PATJ: variants seen among roughly 807,000 people sequenced by gnomAD.
PATJ encodes inaD-like protein.
PATJ carries 190 observed loss-of-function variants against 224.9 expected under a neutral mutation model. The ratio of observed to expected loss-of-function variants is 0.84; its 90% CI spans 0.75 to 0.95. The LOEUF (loss-of-function observed/expected upper bound fraction) is 0.95. Ranked by LOEUF, PATJ falls within the 40% of genes least tolerant of loss-of-function variation. The pLI, the probability that PATJ is intolerant of heterozygous loss-of-function variation, is 0.00. For missense variants in PATJ, 2,121 were observed against 2,270.3 expected (o/e 0.93, Z 1.34); for synonymous variants, 769 against 820.3 (o/e 0.94, Z 1.07).
At chr1:61,952,536 G>A in intron 27 of PATJ, 1 of 677,024 alleles carries the variant, frequency 1.5e-6, no homozygotes, top group Non-Finnish European at 2.8e-6. Flanking sequence ...TTTTTCTTAA[G>A]TAAGAGAGCG....
intron 15 of PATJ, among the ~76,000 whole-genome samples, chr1:61,826,896 C>T (rs552096169): frequency 2.9e-4 from 44 of 152,178 alleles, no homozygotes; most frequent in Admixed American, 1.0e-3. Flanking sequence ...TGTGGACTGA[C>T]GTTAAATTTT....
At position 62,156,225 on chromosome 1, in the gene PATJ, T is replaced by A. The variant is rs186937604; in HGVS notation, c.5502+2744T>A. Among the ~76,000 whole-genome samples the A allele has an allele frequency of 1.8e-3, 267 of 148,062 alleles. 3 individuals are homozygous for A. The highest frequency in any genetic ancestry group is 3.6e-3 in the Middle Eastern group (1 of 278). On this transcript the variant is annotated intron_variant, in intron 43 of 43. Transcript: ENST00000642238. ...ATCCCCATCTCTAAAAATAAAAAAA[T>A]TTTTTTTTAGACTCCAATGTAGGCC...
Position 62,038,021 on chromosome 1 carries a change from T to C in PATJ, c.4004T>C (p.Val1335Ala). ...CAGATGGCCGTTACTCCCTTTCCAGTGCCATCAAGTTCTCCATCTTCTATT... is the reference window on the plus strand; with the variant it reads ...CAGATGGCCGTTACTCCCTTTCCAGCGCCATCAAGTTCTCCATCTTCTATT... Reference protein sequence around the residue: ...VNQMAVTPFPVPSSSPSSIED... With the variant: ...VNQMAVTPFPAPSSSPSSIED... Residue 1335 changes from valine to alanine, a missense_variant, in exon 30 of 44, where the codon GTG becomes GCG. Physicochemically the swap from Val to Ala is moderately conservative, Grantham distance 64 (BLOSUM62 0). Transcript: ENST00000642238. The C allele has an allele frequency of 6.3e-7, 1 of 1,599,504 alleles. No homozygotes were observed. Among genetic ancestry groups the C allele is most frequent in the Non-Finnish European group, 8.5e-7 (1 of 1,171,842 alleles).
intron 29 of PATJ, among the ~76,000 whole-genome samples, chr1:62,029,359 T>C (rs577207778): frequency 6.6e-6 from 1 of 152,330 alleles, no homozygotes; most frequent in South Asian, 2.1e-4. Context: ...CATGGGCTTG[T>C]TGTGTTTCCC....
intron 5 of PATJ, among the ~76,000 whole-genome samples, chr1:61,770,519 A>G (rs943253878): frequency 7.2e-5 from 11 of 152,196 alleles, no homozygotes; most frequent in African/African-American, 2.7e-4. Context: ...AGCACTCAAC[A>G]TAGTACCTGA....
intron 31 of PATJ, chr1:62,072,760 AAAAAG>A (rs1251067772): frequency 2.3e-4 from 35 of 149,750 alleles, no homozygotes; most frequent in African/African-American, 8.3e-4. Flanking sequence ...AAAAAAAAAA[AAAAAG>A]AAGAAAAAGA....
intron 41 of PATJ, among the ~76,000 whole-genome samples, chr1:62,129,585 T>A (rs1200800573): frequency 6.6e-6 from 1 of 152,170 alleles, no homozygotes; most frequent in African/African-American, 2.4e-5. Context: ...TGGCAGTGAG[T>A]TTCATTAATG....
At chr1:61,939,068 A>G (rs1677342581) in intron 27 of PATJ, among the ~76,000 whole-genome samples, 1 of 138,008 alleles carries the variant, frequency 7.2e-6, no homozygotes, top group African/African-American at 2.7e-5. Context: ...GGTTGTAGTG[A>G]GCCAAGATCG....
intron 17 of PATJ, among the ~76,000 whole-genome samples, chr1:61,844,338 C>T (rs1221553369): frequency 3.3e-5 from 5 of 152,094 alleles, no homozygotes; most frequent in South Asian, 2.1e-4. Context: ...TAATATTTTC[C>T]TTAACTTTCA....
At chr1:61,792,206 T>C (rs888776627) in intron 9 of PATJ, among the ~76,000 whole-genome samples, 1 of 152,238 alleles carries the variant, frequency 6.6e-6, no homozygotes, top group African/African-American at 2.4e-5. Flanking sequence ...CTGAATGAAA[T>C]TCATGTCAGA....
intron 31 of PATJ, among the ~76,000 whole-genome samples, chr1:62,068,419 G>GTTCT (rs1160973623): frequency 6.6e-6 from 1 of 152,174 alleles, no homozygotes; most frequent in African/African-American, 2.4e-5. Context: ...TGCTGCCAGG[G>GTTCT]TTCTCTCTGT....
At chr1:61,880,172 T>C (rs149613195) in intron 21 of PATJ, among the ~76,000 whole-genome samples, 1 of 152,338 alleles carries the variant, frequency 6.6e-6, no homozygotes, top group East Asian at 1.9e-4. Flanking sequence ...TTATTTTCCT[T>C]CTTAGACCTT....
At chr1:61,803,124 T>TC (rs1339116396) in intron 12 of PATJ, among the ~76,000 whole-genome samples, 1 of 152,216 alleles carries the variant, frequency 6.6e-6, no homozygotes, top group Non-Finnish European at 1.5e-5. Context: ...AAGTATTTTT[T>TC]CCATAATGTT....
chr1:61,828,590 C>T (rs1658745588), intron 16 of PATJ, among the ~76,000 whole-genome samples: 1 of 151,890 alleles, frequency 6.6e-6, no homozygotes, highest in Non-Finnish European at 1.5e-5. Flanking sequence ...CAGGGTCTTG[C>T]CGTATTTCCC....
At chr1:62,058,155 G>C (rs556724534) in intron 31 of PATJ, among the ~76,000 whole-genome samples, 1 of 152,150 alleles carries the variant, frequency 6.6e-6, no homozygotes. Context: ...TCTTCTTGGA[G>C]TTTCTTTGTG....
chr1:61,969,340 C>T (rs1682615786), intron 27 of PATJ, among the ~76,000 whole-genome samples: 2 of 152,130 alleles, frequency 1.3e-5, no homozygotes, highest in African/African-American at 2.4e-5. Flanking sequence ...ACAATCCTAC[C>T]AACGATGCAT....
intron 25 of PATJ, among the ~76,000 whole-genome samples, chr1:61,913,202 G>A (rs751828076): frequency 4.6e-5 from 7 of 151,934 alleles, no homozygotes; most frequent in Non-Finnish European, 1.0e-4. Flanking sequence ...AATTTCCTGA[G>A]CAAGGAGTTT....
chr1:61,871,467 G>GTATATACATATATATGTGTATATATGTA lies in PATJ; in HGVS notation c.2836-3761_2836-3734dup, dbSNP rs1553186059. ...TACACATATATATGCGTATATATAT[G>GTATATACATATATATGTGTATATATGTA]TATATACATATATATGTGTATATAT... On this transcript the variant is annotated intron_variant, in intron 20 of 43. Coordinates refer to ENST00000642238, the MANE Select transcript of PATJ (RefSeq NM_001350145.3). Among the ~76,000 whole-genome samples the GTATATACATATATATGTGTATATATGTA allele has an allele frequency of 4.2e-4, 23 of 55,302 alleles. No homozygotes were observed. The South Asian group carries it at 7.3e-3, about 18-fold the overall frequency. The allele number at this position is 55,302 out of a possible 152,430, so 36.3% of individuals were successfully genotyped here.
chr1:61,749,872 G>T (rs1248780429), intron 1 of PATJ, among the ~76,000 whole-genome samples: 2 of 152,088 alleles, frequency 1.3e-5, no homozygotes, highest in Non-Finnish European at 2.9e-5. Flanking sequence ...TCAAGATGGG[G>T]TCTTGCCATG....
Sources: allele counts gnomAD v4.1 joint callset (sites outside exome capture counted in the v4.1 genomes callset), GRCh38; gene constraint gnomAD v4.1.1; transcripts MANE v1.5; gene names NCBI Gene and HGNC (gene_info 2026-07-23, HGNC 2026-07-21).